Variants in PDE1C observed in about 807,000 individuals in gnomAD.
PDE1C encodes the protein phosphodiesterase 1C.
Under a neutral mutation model 93.1 loss-of-function variants are expected in PDE1C, and 62 were observed. That is an observed-to-expected ratio of 0.67 (90% CI 0.54 to 0.82). PDE1C has a LOEUF of 0.82. Among genes scored for constraint, PDE1C ranks in the 40% least tolerant of loss-of-function variants. PDE1C has a pLI of 0.00. For synonymous variants in PDE1C, 325 were observed against 310.1 expected (o/e 1.05, Z -0.50); for missense variants, 742 against 884.6 (o/e 0.84, Z 2.04).
intron 2 of PDE1C, among the ~76,000 whole-genome samples, chr7:32,177,144 C>A (rs1803052342): frequency 6.6e-6 from 1 of 152,136 alleles, no homozygotes; most frequent in Non-Finnish European, 1.5e-5. Context: ...AGAAAAAAGG[C>A]CTTGCTCAGC....
rs928918115 is a variant in PDE1C at position 32,079,307 on chromosome 7, A to G, written c.308+90478T>C. Among the ~76,000 whole-genome samples the G allele has an allele frequency of 3.3e-5, 5 of 152,340 alleles. No homozygotes were observed. The East Asian group carries it at 7.7e-4, about 24-fold the overall frequency. ...TAATCTAATTGGGAAAACAGATACT[A>G]AACAGATTATAAAACAACAGATGCA... On this transcript the variant is annotated intron_variant, in intron 3 of 18. Coordinates refer to the PDE1C transcript ENST00000396193.
At chr7:31,895,133 G>A (rs1004572735) in intron 2 of PDE1C, among the ~76,000 whole-genome samples, 4 of 152,154 alleles carry the variant, frequency 2.6e-5, no homozygotes, top group Non-Finnish European at 4.4e-5. Flanking sequence ...AGGCAGGAAG[G>A]AGGAAGATTT....
chr7:31,854,152 A>C (rs916595039), intron 7 of PDE1C, among the ~76,000 whole-genome samples: 9 of 152,160 alleles, frequency 5.9e-5, no homozygotes, highest in African/African-American at 2.2e-4. Flanking sequence ...GGTTGCAGTT[A>C]AGGAGAACAA....
chr7:32,298,969 C>A, exon 1 of PDE1C: 2 of 1,295,874 alleles, frequency 1.5e-6, no homozygotes, highest in Non-Finnish European at 1.9e-6. Flanking sequence ...TCGCGACTGC[C>A]CCATCTCCAA....
chr7:32,001,836 G>C (rs1161940858), intron 2 of PDE1C, among the ~76,000 whole-genome samples: 1 of 152,182 alleles, frequency 6.6e-6, no homozygotes, highest in Non-Finnish European at 1.5e-5. Flanking sequence ...AAGGCAGGTG[G>C]ATTGCTTGAG....
At chr7:31,660,247 CT>C in the PDE1C span, among the ~76,000 whole-genome samples, 1 of 152,162 alleles carries the variant, frequency 6.6e-6, no homozygotes, top group Non-Finnish European at 1.5e-5. Context: ...CACTAGCCCA[CT>C]GTCACTTTTC....
intron 6 of PDE1C, among the ~76,000 whole-genome samples, chr7:31,873,033 T>G (rs2128863802): frequency 6.6e-6 from 1 of 152,224 alleles, no homozygotes; most frequent in African/African-American, 2.4e-5. Flanking sequence ...ATTACAGGCT[T>G]TGGGTTGTAC....
At chr7:31,884,444 T>C (rs1037500334) in intron 2 of PDE1C, among the ~76,000 whole-genome samples, 28 of 152,040 alleles carry the variant, frequency 1.8e-4, no homozygotes, top group Non-Finnish European at 2.9e-4. Context: ...AACATGACAA[T>C]AGAAAGACTA....
chr7:31,854,600 A>C (rs1328655980), intron 7 of PDE1C, among the ~76,000 whole-genome samples: 1 of 152,192 alleles, frequency 6.6e-6, no homozygotes, highest in Non-Finnish European at 1.5e-5. Context: ...ATGAGGAGAC[A>C]TGGGGTACAA....
intron 16 of PDE1C, among the ~76,000 whole-genome samples, chr7:31,802,454 A>T (rs1294470901): frequency 1.3e-5 from 2 of 151,684 alleles, no homozygotes; most frequent in Admixed American, 1.3e-4. Flanking sequence ...CTAGTCAATT[A>T]TCATTAACAT....
At chr7:31,648,732 T>C in the PDE1C span, among the ~76,000 whole-genome samples, 13 of 152,198 alleles carry the variant, frequency 8.5e-5, no homozygotes, top group Admixed American at 2.6e-4. Flanking sequence ...AGTTGGGAAG[T>C]CTTGGTTACC....
chr7:31,712,400 T>C, the PDE1C span, among the ~76,000 whole-genome samples: 23 of 152,358 alleles, frequency 1.5e-4, no homozygotes, highest in African/African-American at 4.1e-4. Flanking sequence ...GATAATAGAC[T>C]AGATAGTCGC....
At chr7:31,880,898 G>A (rs760162990) in intron 2 of PDE1C, 38 bp from the exon 3 acceptor site, 1 of 1,234,036 alleles carries the variant, frequency 8.1e-7, no homozygotes, top group Admixed American at 1.7e-5. Context: ...TTAGAATAGA[G>A]GAAACAAAGA....
the PDE1C span, among the ~76,000 whole-genome samples, chr7:31,674,276 G>C: frequency 3.9e-5 from 6 of 152,084 alleles, no homozygotes; most frequent in Non-Finnish European, 7.3e-5. Flanking sequence ...AGTATGCTTT[G>C]ATGGAAGGAT....
chr7:32,147,976 AT>A (rs1189971110), intron 3 of PDE1C, among the ~76,000 whole-genome samples: 2 of 115,358 alleles, frequency 1.7e-5, no homozygotes, highest in Non-Finnish European at 3.6e-5. Context: ...CTCTCAACCC[AT>A]TTATGCTAAA....
At chr7:31,803,795 C>T (rs1043218969) in intron 16 of PDE1C, among the ~76,000 whole-genome samples, 1 of 151,886 alleles carries the variant, frequency 6.6e-6, no homozygotes, top group Non-Finnish European at 1.5e-5. Context: ...TTCAGTCTAT[C>T]GTTGTTGGAC....
At chr7:32,019,675 C>A (rs542706622) in intron 2 of PDE1C, among the ~76,000 whole-genome samples, 56 of 151,886 alleles carry the variant, frequency 3.7e-4, no homozygotes, top group African/African-American at 1.4e-3. Context: ...TGTAGGGAGG[C>A]AGCTAGATTC....
chr7:31,671,217 G>C, the PDE1C span, among the ~76,000 whole-genome samples: 1 of 152,198 alleles, frequency 6.6e-6, no homozygotes. Context: ...AACTGAAGGA[G>C]CACTGACTAT....
chr7:32,321,685 T>A (rs1348091790), intron 1 of PDE1C, among the ~76,000 whole-genome samples: 1 of 152,250 alleles, frequency 6.6e-6, no homozygotes, highest in Admixed American at 6.5e-5. Flanking sequence ...ACTTGAGATG[T>A]AATCAGCTTA....
Sources: allele counts gnomAD v4.1 joint callset (sites outside exome capture counted in the v4.1 genomes callset), GRCh38; gene constraint gnomAD v4.1.1; transcripts MANE v1.5; gene names NCBI Gene and HGNC (gene_info 2026-07-23, HGNC 2026-07-21).